Variants in AP4M1 observed in about 807,000 individuals in gnomAD.
AP4M1 encodes AP-4 complex subunit mu-1.
A neutral mutation model predicts 62.4 loss-of-function variants in AP4M1; 58 were observed. That is an observed-to-expected ratio of 0.93 (90% CI 0.75 to 1.16). The LOEUF is 1.16. Among genes scored for constraint, AP4M1 ranks in the 50% most tolerant of loss-of-function variants. The probability of loss-of-function intolerance (pLI) is 0.00; values close to 1 mark genes in which losing one functional copy is unlikely to be tolerated. For synonymous variants in AP4M1, 290 were observed against 239.7 expected (o/e 1.21, Z -1.94); for missense variants, 626 against 585.4 (o/e 1.07, Z -0.72).
At chr7:100,103,175 C>T (rs1439397063) in intron 4 of AP4M1, 26 of 652,474 alleles carry the variant, frequency 4.0e-5, no homozygotes, top group South Asian at 9.1e-5. Context: ...GGGCTCAAGC[C>T]GTCCTCCTGC....
chr7:100,104,091 G>C lies in AP4M1; in HGVS notation c.544-1G>C. ...CCACCCAAATTCTCTCTCTTTCTCAGAGCCAAAAGAATGAAGTTTTTTTGG... is the reference window on the plus strand; with the variant it reads ...CCACCCAAATTCTCTCTCTTTCTCACAGCCAAAAGAATGAAGTTTTTTTGG... On this transcript the variant is annotated splice_acceptor_variant, in intron 6 of 14. Transcript: ENST00000359593. LOFTEE classifies it high-confidence loss of function. 6.2e-7 allele frequency: 1 copy of C among 1,613,886 alleles called. No individual in the cohort carries two copies. The highest frequency in any genetic ancestry group is 1.3e-5 in the African/African-American group (1 of 74,984).
chr7:100,107,957 G>A lies in AP4M1; in HGVS notation c.*1075G>A. ...GGTGGATGGGGCGCTGGAGGACGAT[G>A]ACATTACAATAAACTTGGTTGGAGG... On this transcript the variant is annotated 3_prime_UTR_variant, in exon 15 of 15. Coordinates refer to ENST00000359593, the MANE Select transcript of AP4M1 (RefSeq NM_004722.4). 2 of 1,613,788 alleles carry A rather than the reference G, an allele frequency of 1.2e-6. No homozygotes were observed. Among genetic ancestry groups the A allele is most frequent in the Non-Finnish European group, 1.7e-6 (2 of 1,179,794 alleles).
intron 6 of AP4M1, 79 bp from the exon 7 acceptor site, chr7:100,104,013 C>G (rs191029175): frequency 7.7e-7 from 1 of 1,294,452 alleles, no homozygotes; most frequent in South Asian, 1.2e-5. Flanking sequence ...TTTGACTGTC[C>G]TGTTCTTTCT....
Position 100,106,704 on chromosome 7 carries a change from C to T in AP4M1, c.1184C>T (p.Thr395Ile). 1.2e-6 allele frequency: 2 copies of T among 1,613,760 alleles called. No individual in the cohort carries two copies. Among genetic ancestry groups the T allele is most frequent in the East Asian group, 4.5e-5 (2 of 44,878 alleles). ...GGACCTCCCAGCCATGGGCTCTCCA[C>T]CTCGGCCTCTCCTCTGGGGCTGGGC... is the stretch of plus-strand genomic sequence containing the variant. ...PPGPPSHGLS[T>I]SASPLGLGPA... is the part of the protein sequence containing the mutation. Residue 395 changes from threonine (T) to isoleucine (I), a missense_variant, in exon 15 of 15, where the codon ACC (threonine) becomes ATC (isoleucine). Transcript: ENST00000359593.
chr7:100,100,920 G>T, upstream of AP4M1: 6 of 1,055,556 alleles, frequency 5.7e-6, 1 homozygote, highest in South Asian at 1.4e-4. Flanking sequence ...AAGCGCGAAG[G>T]AAAGCGGGCA....
chr7:100,102,993 A>G (rs1340891911), intron 4 of AP4M1, 33 bp downstream of exon 4: 2 of 1,577,036 alleles, frequency 1.3e-6, no homozygotes, highest in Non-Finnish European at 1.7e-6. Context: ...TGTGGCCCCT[A>G]CCCAATTCCC....
In AP4M1 at chr7:100,105,031, C is replaced by G. The variant is rs772536501; in HGVS notation, c.674-14C>G. ...GGCATTGCTGAGCTCTCCTGATGGT[C>G]TCTCCTCCGACAGAGATGCGCATTG... On this transcript the variant is annotated splice_polypyrimidine_tract_variant and intron_variant, in intron 8 of 14. Transcript: ENST00000359593. 1 of 1,614,112 alleles carries G rather than the reference C, an allele frequency of 6.2e-7. No individual in the cohort carries two copies. Among genetic ancestry groups the G allele is most frequent in the Admixed American group, 1.7e-5 (1 of 60,014 alleles).
At chr7:100,101,427 G>A, upstream of AP4M1, 6 of 1,243,508 alleles carry the variant, frequency 4.8e-6, no homozygotes, top group Non-Finnish European at 6.9e-6. Flanking sequence ...CACGTGACCG[G>A]CGCCACTGCG....
In AP4M1 at chr7:100,105,975, A is replaced by G; in HGVS notation, c.946A>G (p.Lys316Glu). 1 of 1,614,068 alleles carries G rather than the reference A, an allele frequency of 6.2e-7. No homozygotes were observed. The highest frequency in any genetic ancestry group is 8.5e-7 in the Non-Finnish European group (1 of 1,180,006). ...CTCATCCAGGCTCCAGGTTTATCTA[A>G]AGTTGCGATGTGACCTGCTCTCAAA... is the stretch of plus-strand genomic sequence containing the variant. ...RGSGRLQVYLKLRCDLLSKSQ... is the reference protein window; with the variant it reads ...RGSGRLQVYLELRCDLLSKSQ... The change falls in exon 12 of 15, where the codon AAG becomes GAG. Residue 316 changes from lysine (K) to glutamate (E), a missense_variant. Physicochemically the swap from Lys to Glu is moderately conservative, Grantham distance 56 (BLOSUM62 1). Transcript: ENST00000359593.
At chr7:100,102,512 T>G in intron 2 of AP4M1, 163 bp from the exon 3 acceptor site, 2 of 690,004 alleles carry the variant, frequency 2.9e-6, no homozygotes, top group African/African-American at 3.5e-5. Flanking sequence ...ATTAACCCCC[T>G]TTCCACATTG....
rs746108622 is a variant in AP4M1, at chr7:100,102,951, T to G, written c.342T>G (p.Asp114Glu). ...TGGCTCTGGTATACGAACTCCTGGA[T>G]GAAGTGCTGGTGAGAATCAACAATC... is the stretch of plus-strand genomic sequence containing the variant. ...RNVALVYELL[D>E]EVLDYGYVQT... The change falls in exon 4 of 15, where the codon GAT (aspartate) becomes GAG (glutamate). Residue 114 changes from aspartate (D) to glutamate (E), a missense_variant. Asp to Glu is a conservative substitution (Grantham distance 45). Coordinates refer to ENST00000359593, the MANE Select transcript of AP4M1 (RefSeq NM_004722.4). 3.8e-5 allele frequency: 62 copies of G among 1,613,756 alleles called. No homozygotes were observed. In the Admixed American group the frequency reaches 9.2e-4, roughly 24 times the overall value.
rs764928712 is a variant in AP4M1 at position 100,106,802 on chromosome 7, T to C, written c.1282T>C (p.Phe428Leu). ...CCAGGTCCGATTCCTCAGGCTGGCC[T>C]TCAGGCCATGCGGCAATGCCAACCC... ...GLQVRFLRLA[F>L]RPCGNANPHK... Residue 428 changes from phenylalanine (F) to leucine (L), a missense_variant, in exon 15 of 15, where the codon TTC becomes CTC. Physicochemically the swap from Phe to Leu is conservative, Grantham distance 22. Coordinates refer to ENST00000359593, the MANE Select transcript of AP4M1 (RefSeq NM_004722.4). 6.2e-7 allele frequency: 1 copy of C among 1,614,072 alleles called. No homozygotes were observed. The highest frequency in any genetic ancestry group is 8.5e-7 in the Non-Finnish European group (1 of 1,180,042).
intron 5 of AP4M1, 21 bp from the exon 6 acceptor site, chr7:100,103,591 A>G (rs1796234082): frequency 6.2e-7 from 1 of 1,614,020 alleles, no homozygotes; most frequent in African/African-American, 1.3e-5. Flanking sequence ...CTGATGATTG[A>G]TTGCTTTGGA....
At chr7:100,102,061 A>T (rs1458940798) in intron 2 of AP4M1, 93 bp downstream of exon 2, 3 of 1,394,996 alleles carry the variant, frequency 2.2e-6, no homozygotes, top group Non-Finnish European at 3.0e-6. Context: ...GGTAGATTCC[A>T]CTTGGGGGGT....
At chr7:100,101,127 G>A (rs1795998300), upstream of AP4M1, 3 of 1,097,750 alleles carry the variant, frequency 2.7e-6, no homozygotes, top group South Asian at 1.4e-5. Flanking sequence ...TAGCCAGGCC[G>A]CAGCTCGACC....
chr7:100,101,604 G>C (rs1445881517), upstream of AP4M1: 3 of 1,171,876 alleles, frequency 2.6e-6, no homozygotes, highest in African/African-American at 4.5e-5. Flanking sequence ...TGGCGCGGGC[G>C]GAGGAGAATC....
chr7:100,105,121 T>G (rs377426269), intron 9 of AP4M1, 23 bp downstream of exon 9: 1 of 1,613,874 alleles, frequency 6.2e-7, no homozygotes, highest in African/African-American at 1.3e-5. Context: ...TGGGTCTTTC[T>G]CCCCTTGGAG....
At chr7:100,103,248 T>A (rs970134852) in intron 4 of AP4M1, 161 bp from the exon 5 acceptor site, 5 of 723,390 alleles carry the variant, frequency 6.9e-6, no homozygotes, top group Non-Finnish European at 1.2e-5. Context: ...CTCACTGTGT[T>A]GCCCAGGCTG....
chr7:100,107,005 A>C lies in AP4M1; in HGVS notation c.*123A>C. ...TGGGCAGGAAGAGTCCTCAGTCCCA[A>C]GACCAGGAGGGGGCAATGGGCCCAG... On this transcript the variant is annotated 3_prime_UTR_variant, in exon 15 of 15. Transcript: ENST00000359593. The C allele has an allele frequency of 7.7e-7, 1 of 1,302,782 alleles. No individual in the cohort carries two copies. The highest frequency in any genetic ancestry group is 1.1e-6 in the Non-Finnish European group (1 of 935,394). 80.7% of individuals were successfully genotyped at this position (1,302,782 alleles called of 1,614,324 possible). A position where few individuals can be genotyped will look rare whatever the true frequency, so the allele number is the denominator to read the frequency against.
Sources: allele counts gnomAD v4.1 joint callset, GRCh38; gene constraint gnomAD v4.1.1; transcripts MANE v1.5; gene names NCBI Gene and HGNC (gene_info 2026-07-23, HGNC 2026-07-21).